Variants in MAPK10 observed in about 807,000 individuals in gnomAD.
MAPK10 encodes the protein JNK3 alpha protein kinase.
MAPK10 carries 25 observed loss-of-function variants against 59.3 expected under a neutral mutation model. The ratio of observed to expected loss-of-function variants is 0.42; its 90% CI spans 0.31 to 0.59. The LOEUF is 0.59. Among genes scored for constraint, MAPK10 ranks in the 20% least tolerant of loss-of-function variants. The pLI is 0.15. For missense variants in MAPK10, 351 were observed against 568.9 expected (o/e 0.62, Z 3.90); for synonymous variants, 190 against 200.5 (o/e 0.95, Z 0.44).
intron 11 of MAPK10, among the ~76,000 whole-genome samples, chr4:86,045,299 G>T (rs1383005800): frequency 6.6e-6 from 1 of 151,896 alleles, no homozygotes; most frequent in East Asian, 1.9e-4. Flanking sequence ...TTCAGTAATT[G>T]CACCACCAAT....
At chr4:86,437,514 T>G (rs888976723) in intron 1 of MAPK10, among the ~76,000 whole-genome samples, 1 of 152,228 alleles carries the variant, frequency 6.6e-6, no homozygotes, top group African/African-American at 2.4e-5. Flanking sequence ...TAGATTCTAT[T>G]TGCTAATAAC....
intron 2 of MAPK10, among the ~76,000 whole-genome samples, chr4:86,321,477 T>A (rs996185649): frequency 2.0e-5 from 3 of 151,220 alleles, no homozygotes; most frequent in Admixed American, 6.6e-5. Context: ...CAGTAAACTA[T>A]CGCAAGAACA....
intron 1 of MAPK10, among the ~76,000 whole-genome samples, chr4:86,381,259 C>T (rs1271001726): frequency 6.6e-6 from 1 of 152,234 alleles, no homozygotes; most frequent in South Asian, 2.1e-4. Context: ...ACCCTCCTGG[C>T]CTTGTAACAT....
At chr4:86,464,604 G>T (rs565565301) in intron 1 of MAPK10, among the ~76,000 whole-genome samples, 5 of 152,058 alleles carry the variant, frequency 3.3e-5, no homozygotes, top group Admixed American at 6.5e-5. Context: ...GGCAGATCAC[G>T]AGGTCAGGAG....
intron 9 of MAPK10, among the ~76,000 whole-genome samples, chr4:86,084,347 C>T (rs1240192440): frequency 1.3e-5 from 2 of 152,154 alleles, no homozygotes; most frequent in African/African-American, 4.8e-5. Flanking sequence ...TGATGTTATG[C>T]TTGCAAAAGC....
At chr4:86,474,193 C>T (rs561698707) in intron 1 of MAPK10, among the ~76,000 whole-genome samples, 2 of 152,078 alleles carry the variant, frequency 1.3e-5, no homozygotes. Context: ...CATTGGTGCA[C>T]AATTTTTATT....
intron 1 of MAPK10, among the ~76,000 whole-genome samples, chr4:86,496,138 A>G (rs6838659): frequency 0.33 from 50,015 of 152,076 alleles, 8,425 homozygotes; most frequent in Admixed American, 0.38. Flanking sequence ...CAACAACTTC[A>G]AATTAACCCA....
chr4:86,473,744 G>C (rs1328996860), intron 1 of MAPK10, among the ~76,000 whole-genome samples: 1 of 152,134 alleles, frequency 6.6e-6, no homozygotes, highest in Non-Finnish European at 1.5e-5. Flanking sequence ...GGTCAGGGAG[G>C]GGTAGAAATT....
intron 1 of MAPK10, among the ~76,000 whole-genome samples, chr4:86,590,811 A>C (rs1762989819): frequency 6.6e-6 from 1 of 152,148 alleles, no homozygotes; most frequent in Admixed American, 6.5e-5. Flanking sequence ...TAAAAAACCC[A>C]AAAAATTATA....
intron 1 of MAPK10, among the ~76,000 whole-genome samples, chr4:86,379,238 G>A (rs1411050097): frequency 1.3e-5 from 2 of 152,192 alleles, no homozygotes; most frequent in African/African-American, 4.8e-5. Context: ...TGAAAGGGAC[G>A]AAACGTCCAT....
chr4:86,206,737 T>A (rs142370283), intron 2 of MAPK10, among the ~76,000 whole-genome samples: 19,480 of 152,114 alleles, frequency 0.13, 1,257 homozygotes, highest in Middle Eastern at 0.14. Flanking sequence ...TGATCGCCAT[T>A]CTAACTGGTG....
At chr4:86,359,263 C>CCTCTCTCTCCCTCT (rs1736057068) in intron 1 of MAPK10, among the ~76,000 whole-genome samples, 2 of 53,466 alleles carry the variant, frequency 3.7e-5, no homozygotes, top group Admixed American at 4.9e-4. Flanking sequence ...TTTTTTTTTT[C>CCTCTCTCTCCCTCT]CTCTCTCTCT....
intron 2 of MAPK10, among the ~76,000 whole-genome samples, chr4:86,276,548 C>T (rs969376157): frequency 6.6e-6 from 1 of 152,156 alleles, no homozygotes; most frequent in African/African-American, 2.4e-5. Flanking sequence ...AGATACATTT[C>T]TAGCTACCTG....
chr4:86,073,505 T>A (rs1486099311), intron 9 of MAPK10, among the ~76,000 whole-genome samples: 1 of 129,988 alleles, frequency 7.7e-6, no homozygotes, highest in East Asian at 2.3e-4. Context: ...ATTTTGGATC[T>A]TTCCTGCTTT....
intron 4 of MAPK10, among the ~76,000 whole-genome samples, chr4:86,134,161 A>G (rs368213069): frequency 2.6e-5 from 4 of 152,172 alleles, no homozygotes; most frequent in Admixed American, 1.3e-4. Flanking sequence ...CTCTGGAGTC[A>G]AGCTGAGTAA....
At chr4:86,494,209 G>A (rs888384581) in intron 1 of MAPK10, among the ~76,000 whole-genome samples, 2 of 152,152 alleles carry the variant, frequency 1.3e-5, no homozygotes, top group East Asian at 1.9e-4. Flanking sequence ...AGGATGCAGC[G>A]AGGTACAATC....
chr4:86,550,098 T>C (rs1759637772), intron 1 of MAPK10, among the ~76,000 whole-genome samples: 1 of 152,042 alleles, frequency 6.6e-6, no homozygotes, highest in Admixed American at 6.5e-5. Flanking sequence ...TGCAAATTTA[T>C]ACTAAGAGAC....
intron 1 of MAPK10, among the ~76,000 whole-genome samples, chr4:86,587,318 A>G (rs1370936998): frequency 6.6e-6 from 1 of 152,216 alleles, no homozygotes; most frequent in Non-Finnish European, 1.5e-5. Context: ...TCCTAGGGGA[A>G]TTCTCAAATT....
chr4:86,077,310 A>G (rs924829034), intron 9 of MAPK10, among the ~76,000 whole-genome samples: 3 of 152,206 alleles, frequency 2.0e-5, no homozygotes, highest in African/African-American at 7.2e-5. Context: ...TATTTCAAGC[A>G]CTTCTCTTAC....
Sources: allele counts gnomAD v4.1 joint callset (sites outside exome capture counted in the v4.1 genomes callset), GRCh38; gene constraint gnomAD v4.1.1; transcripts MANE v1.5; gene names NCBI Gene and HGNC (gene_info 2026-07-23, HGNC 2026-07-21).